Variants in AACS observed in about 807,000 individuals in gnomAD.
The protein encoded by AACS is acetoacetate-CoA ligase.
Under a neutral mutation model 83.1 loss-of-function variants are expected in AACS, and 69 were observed. That is an observed-to-expected ratio of 0.83 (90% CI 0.68 to 1.01). The LOEUF is 1.01. Ranked by LOEUF, AACS falls within the 50% of genes least tolerant of loss-of-function variation. AACS has a pLI of 0.00. For missense variants in AACS, 866 were observed against 882.2 expected, an observed-to-expected ratio of 0.98 and a Z score of 0.23; for synonymous variants, 333 against 343.4, an observed-to-expected ratio of 0.97 and a Z score of 0.33.
At chr12:125,103,284 A>C (rs1002950911) in intron 7 of AACS, among the ~76,000 whole-genome samples, 2 of 152,190 alleles carry the variant, frequency 1.3e-5, no homozygotes, top group African/African-American at 4.8e-5. Flanking sequence ...TGAGTGGCGG[A>C]AGAGAGACAG....
At chr12:125,134,980 G>A in intron 16 of AACS, 128 bp downstream of exon 16, 35 of 1,093,192 alleles carry the variant, frequency 3.2e-5, no homozygotes, top group Non-Finnish European at 4.6e-5. Context: ...GTGGACATTT[G>A]TGAGCCTGAC....
chr12:125,084,286 C>G (rs963797622), intron 3 of AACS, among the ~76,000 whole-genome samples: 2 of 151,738 alleles, frequency 1.3e-5, no homozygotes, highest in African/African-American at 2.4e-5. Context: ...CCACTGCACA[C>G]CAGCCTGGGC....
intron 8 of AACS, among the ~76,000 whole-genome samples, chr12:125,110,793 G>A (rs762290631): frequency 6.6e-6 from 1 of 152,278 alleles, no homozygotes; most frequent in Non-Finnish European, 1.5e-5. Context: ...TTTTATAGAC[G>A]TTCCCTCTAC....
intron 3 of AACS, among the ~76,000 whole-genome samples, chr12:125,084,707 T>C (rs1294709684): frequency 2.0e-5 from 3 of 151,656 alleles, no homozygotes; most frequent in South Asian, 4.2e-4. Context: ...GTATCCCGAG[T>C]AGATAGGACT....
At chr12:125,125,045 G>C in intron 12 of AACS, 21 bp downstream of exon 12, 1 of 1,613,830 alleles carries the variant, frequency 6.2e-7, no homozygotes, top group Non-Finnish European at 8.5e-7. Context: ...GGTGGGGACA[G>C]TCCTTCCAGC....
At chr12:125,080,891 C>G (rs1956162244) in intron 3 of AACS, among the ~76,000 whole-genome samples, 1 of 152,076 alleles carries the variant, frequency 6.6e-6, no homozygotes, top group Admixed American at 6.6e-5. Flanking sequence ...TGGGGTTTCA[C>G]CGTGTTAGCC....
In AACS at chr12:125,112,678, C is replaced by CAAA. The variant is rs56314902; in HGVS notation, c.916-1788_916-1786dup. Among the ~76,000 whole-genome samples the CAAA allele has an allele frequency of 6.5e-5, 7 of 108,432 alleles. No homozygotes were observed. In the East Asian group the frequency reaches 1.5e-3, roughly 23 times the overall value. 71.1% of individuals were successfully genotyped at this position (108,432 alleles called of 152,430 possible). A position where few individuals can be genotyped will look rare whatever the true frequency, so the allele number is the denominator to read the frequency against. On this transcript the variant is annotated intron_variant, in intron 8 of 17. Transcript: ENST00000316519. ...CTGGTGACAGAGCGAGACTCTGTCT[C>CAAA]AAAAAAAAAAAAAGACATACTGAGA...
At chr12:125,131,989 C>T (rs1957335403) in intron 14 of AACS, among the ~76,000 whole-genome samples, 1 of 152,188 alleles carries the variant, frequency 6.6e-6, no homozygotes, top group Non-Finnish European at 1.5e-5. Context: ...TCCAAACAGG[C>T]CTGGTCTGCT....
chr12:125,135,588 A>G (rs1957390235), intron 16 of AACS, among the ~76,000 whole-genome samples: 1 of 152,128 alleles, frequency 6.6e-6, no homozygotes, highest in African/African-American at 2.4e-5. Flanking sequence ...CCCAGGCCGC[A>G]GAGTTGGTCA....
At chr12:125,072,928 T>G (rs201300514) in intron 1 of AACS, among the ~76,000 whole-genome samples, 21,983 of 139,174 alleles carry the variant, frequency 0.16, 2,217 homozygotes, top group East Asian at 0.25. Context: ...TGTTTTTTTT[T>G]TTTTTTTTTT....
chr12:125,097,516 C>T lies in AACS; in HGVS notation c.571-5163C>T, dbSNP rs555452625. ...CACAGTCATTCCCTTGTCCCCCACC[C>T]GCCCGCCGTGAACTTTGCTGAGGGG... is the stretch of plus-strand genomic sequence containing the variant. On this transcript the variant is annotated intron_variant, in intron 5 of 17. Transcript: ENST00000316519. This position sits in a 1 kb window ranked among gnomAD's most constrained non-coding sequence, Gnocchi z 4.3. 1.3e-5 allele frequency among the ~76,000 whole-genome samples: 2 copies of T among 152,052 alleles called. No individual in the cohort carries two copies. Among genetic ancestry groups the T allele is most frequent in the East Asian group, 1.9e-4 (1 of 5,170 alleles).
chr12:125,073,093 AT>A (rs372787333), intron 1 of AACS, among the ~76,000 whole-genome samples: 1 of 151,328 alleles, frequency 6.6e-6, no homozygotes, highest in South Asian at 2.1e-4. Flanking sequence ...TGCTCGGCTA[AT>A]TTTTTTTGTA....
intron 1 of AACS, among the ~76,000 whole-genome samples, chr12:125,067,354 T>C (rs2136023233): frequency 6.6e-6 from 1 of 152,330 alleles, no homozygotes; most frequent in East Asian, 1.9e-4. Context: ...GATTATGTTC[T>C]TCCTCTGTGT....
chr12:125,071,012 G>A (rs898204831), intron 1 of AACS, among the ~76,000 whole-genome samples: 2 of 152,252 alleles, frequency 1.3e-5, no homozygotes, highest in Admixed American at 1.3e-4. Flanking sequence ...TCACCTCTGA[G>A]TTTCTGTGGG....
At chr12:125,074,589 CTA>C (rs556981885) in intron 2 of AACS, among the ~76,000 whole-genome samples, 10 of 150,346 alleles carry the variant, frequency 6.7e-5, no homozygotes, top group Non-Finnish European at 1.3e-4. Flanking sequence ...ATATCATAAA[CTA>C]TTATGTAACC....
Position 125,097,900 on chromosome 12 carries a change from G to A in AACS, c.571-4779G>A, listed in dbSNP as rs754704680. Among the ~76,000 whole-genome samples, 24 of 152,170 alleles carry A rather than the reference G, an allele frequency of 1.6e-4. No individual in the cohort carries two copies. Among genetic ancestry groups the A allele is most frequent in the Non-Finnish European group, 2.9e-4 (20 of 68,036 alleles). On this transcript the variant is annotated intron_variant, in intron 5 of 17. Coordinates refer to ENST00000316519, the MANE Select transcript of AACS (RefSeq NM_023928.5). This position sits in a 1 kb window ranked among gnomAD's most constrained non-coding sequence, Gnocchi z 4.3. ...GCCTCTCCACTGTCCTCCTTCATAC[G>A]TTTGATTGAGCGGTTCCTCGGTTCC... is the stretch of plus-strand genomic sequence containing the variant.
At chr12:125,104,340 T>C (rs1956788437) in intron 7 of AACS, among the ~76,000 whole-genome samples, 1 of 152,216 alleles carries the variant, frequency 6.6e-6, no homozygotes, top group Non-Finnish European at 1.5e-5. Context: ...GAGCCCTTTT[T>C]GTTCCAGCAA....
At chr12:125,087,839 C>A (rs902326537) in intron 4 of AACS, among the ~76,000 whole-genome samples, 1 of 152,208 alleles carries the variant, frequency 6.6e-6, no homozygotes, top group Admixed American at 6.5e-5. Context: ...TAGTGCTCAG[C>A]GTTTGGTAGC....
chr12:125,103,292 C>T (rs1253559786), intron 7 of AACS, among the ~76,000 whole-genome samples: 3 of 152,198 alleles, frequency 2.0e-5, no homozygotes, highest in Non-Finnish European at 2.9e-5. Flanking sequence ...GGAAGAGAGA[C>T]AGTCCCAGGC....
Sources: gnomAD v4.1 joint callset for allele counts (sites outside exome capture counted in the v4.1 genomes callset) on GRCh38, gnomAD v4.1.1 for gene constraint, Gnocchi (gnomAD v3.1) non-coding constraint, MANE v1.5 for transcripts, NCBI Gene and HGNC (gene_info 2026-07-23, HGNC 2026-07-21) for gene names.